Variants in CDKL5 observed in about 807,000 individuals in gnomAD.
CDKL5 encodes cyclin dependent kinase like 5, also known as cyclin-dependent kinase-like 5.
Under a neutral mutation model 61.7 loss-of-function variants are expected in CDKL5, and 8 were observed. The ratio of observed to expected loss-of-function variants is 0.13; its 90% CI spans 0.08 to 0.23. CDKL5 has a LOEUF of 0.23. CDKL5 is among the 10% of genes least tolerant of loss of function. The pLI, the probability that CDKL5 is intolerant of heterozygous loss-of-function variation, is 1.00. For synonymous variants in CDKL5, 275 were observed against 272.3 expected, an observed-to-expected ratio of 1.01 and a Z score of -0.10; for missense variants, 440 against 734.5, an observed-to-expected ratio of 0.60 and a Z score of 4.63.
chrX:18,608,669 T>G (rs188352748), intron 12 of CDKL5, 142 bp from the exon 13 acceptor site: 1 of 486,228 alleles, frequency 2.1e-6, no homozygotes, highest in East Asian at 3.7e-5. Flanking sequence ...TTATTCACTT[T>G]TATGGGACTA....
intron 6 of CDKL5, among the ~76,000 whole-genome samples, chrX:18,581,042 G>T (rs1397007823): frequency 9.0e-6 from 1 of 111,489 alleles, no homozygotes; most frequent in Non-Finnish European, 1.9e-5. Context: ...GGATATTAAT[G>T]AGGAGCCGAG....
intron 16 of CDKL5, among the ~76,000 whole-genome samples, chrX:18,622,957 G>A (rs1926934031): frequency 1.8e-5 from 2 of 111,924 alleles, no homozygotes; most frequent in East Asian, 2.8e-4. Flanking sequence ...ACCCTTAAAA[G>A]ATTACCTAAA....
intron 3 of CDKL5, among the ~76,000 whole-genome samples, chrX:18,514,030 T>G (rs1331990162): frequency 1.8e-5 from 2 of 111,610 alleles, no homozygotes; most frequent in Admixed American, 9.6e-5. Flanking sequence ...AAAGGTTGAC[T>G]GGGGGTGTAT....
intron 3 of CDKL5, among the ~76,000 whole-genome samples, chrX:18,517,158 G>T (rs748213042): frequency 8.9e-6 from 1 of 111,866 alleles, no homozygotes; most frequent in Non-Finnish European, 1.9e-5. Flanking sequence ...CAGAGTAAGG[G>T]AATGGTCATG....
intron 1 of CDKL5, among the ~76,000 whole-genome samples, chrX:18,494,864 CT>C (rs772443413): frequency 7.4e-4 from 83 of 112,161 alleles, no homozygotes; most frequent in Non-Finnish European, 1.1e-3. Context: ...TTACTCTCCA[CT>C]TTTGGGAGAA....
Position 18,647,336 on chromosome X carries a change from G to A in CDKL5, c.2797+1246G>A, listed in dbSNP as rs1470538111. On this transcript the variant is annotated intron_variant, in intron 20 of 21. Transcript: ENST00000379989. The stretch of plus-strand genomic sequence containing the variant: ...AGAGGCTTGTGATATGGGCATTCTG[G>A]GAAAGGAAAAAGAATTCACATTCAC... 1 of 1,209,947 alleles carries A rather than the reference G, an allele frequency of 8.3e-7. No homozygotes were observed. Among genetic ancestry groups the A allele is most frequent in the South Asian group, 1.8e-5 (1 of 56,892 alleles).
At chrX:18,449,946 C>T (rs1931971937) in intron 1 of CDKL5, among the ~76,000 whole-genome samples, 1 of 111,616 alleles carries the variant, frequency 9.0e-6, no homozygotes, top group Non-Finnish European at 1.9e-5. Context: ...CGGCGCATGC[C>T]ACCACGCGCA....
At position 18,613,268 on chromosome X, in the gene CDKL5, G is replaced by T; in HGVS notation, c.2269G>T (p.Asp757Tyr). Reference sequence around the variant, plus strand: ...CCACTCAAAAAGACAACCAGCATTCGATCCATGGTGAGCATTTTGGTTTGT... The same window carrying T: ...CCACTCAAAAAGACAACCAGCATTCTATCCATGGTGAGCATTTTGGTTTGT... ...TNHSKRQPAF[D>Y]PWKSPENISH... is the part of the protein sequence containing the mutation. Residue 757 changes from aspartate (D) to tyrosine (Y), a missense_variant, in exon 15 of 18, where the codon GAT becomes TAT. Transcript: ENST00000623535. 8.4e-7 allele frequency: 1 copy of T among 1,196,181 alleles called. No homozygotes were observed. The highest frequency in any genetic ancestry group is 1.8e-5 in the South Asian group (1 of 56,495).
intron 1 of CDKL5, among the ~76,000 whole-genome samples, chrX:18,448,918 C>T (rs1255394412): frequency 8.9e-6 from 1 of 112,118 alleles, no homozygotes; most frequent in Non-Finnish European, 1.9e-5. Context: ...TGCAGTGGCA[C>T]GATCTCAGCT....
rs1279667605 is a variant in CDKL5, at chrX:18,633,697, C to A, written c.*4940C>A. On this transcript the variant is annotated 3_prime_UTR_variant, in exon 18 of 18. Coordinates refer to ENST00000623535, the MANE Select transcript of CDKL5 (RefSeq NM_001323289.2). ...TCTGGGCCTGCTGCCCCCTTCGATT[C>A]TTTTTTTTTTTCTTTGTGAATTGAA... 5.1e-6 allele frequency: 2 copies of A among 393,717 alleles called. No individual in the cohort carries two copies. The highest frequency in any genetic ancestry group is 6.4e-6 in the Non-Finnish European group (2 of 314,246). 32.4% of individuals were successfully genotyped at this position (393,717 alleles called of 1,213,427 possible). A position where few individuals can be genotyped will look rare whatever the true frequency, so the allele number is the denominator to read the frequency against.
intron 4 of CDKL5, among the ~76,000 whole-genome samples, 153 bp downstream of exon 4, chrX:18,564,675 A>G (rs1924910197): frequency 9.0e-6 from 1 of 110,518 alleles, no homozygotes; most frequent in African/African-American, 3.3e-5. Flanking sequence ...GAAAGTGAAT[A>G]TAGCTTATTT....
intron 1 of CDKL5, among the ~76,000 whole-genome samples, chrX:18,451,020 A>G (rs1932001963): frequency 9.0e-6 from 1 of 110,894 alleles, no homozygotes; most frequent in African/African-American, 3.3e-5. Context: ...CATTTTATAG[A>G]TAGGGTCCCT....
rs756537286 is a variant in CDKL5 at position 18,598,586 on chromosome X, A to G, written c.950A>G (p.His317Arg). ...PSRSAKRKPYHVESSTLSNRN... is the reference protein window; with the variant it reads ...PSRSAKRKPYRVESSTLSNRN... The stretch of plus-strand genomic sequence containing the variant: ...AGGTCAGCAAAAAGAAAACCTTACC[A>G]TGTGGAAAGCAGCACATTGTCTAAT... Residue 317 changes from histidine to arginine, a missense_variant, in exon 11 of 18, where the codon CAT becomes CGT. Around this residue, in one of 2 missense-constraint regions of CDKL5, gnomAD observed 363 missense variants for 516.3 expected, o/e 0.70. Coordinates refer to ENST00000623535, the MANE Select transcript of CDKL5 (RefSeq NM_001323289.2). The G allele has an allele frequency of 1.1e-4, 139 of 1,208,979 alleles. No individual in the cohort carries two copies. Among genetic ancestry groups the G allele is most frequent in the Non-Finnish European group, 1.5e-4 (137 of 894,137 alleles).
chrX:18,501,120 C>T (rs1439126239), intron 1 of CDKL5, among the ~76,000 whole-genome samples: 4 of 111,199 alleles, frequency 3.6e-5, no homozygotes, highest in East Asian at 2.8e-4. Flanking sequence ...GGATTACAGA[C>T]GTGAGCCACT....
intron 3 of CDKL5, among the ~76,000 whole-genome samples, chrX:18,540,610 C>T (rs1923986120): frequency 9.0e-6 from 1 of 111,652 alleles, no homozygotes; most frequent in South Asian, 3.7e-4. Flanking sequence ...GGTATTTTTG[C>T]TTGATACAGG....
At chrX:18,550,700 A>C (rs914886125) in intron 3 of CDKL5, among the ~76,000 whole-genome samples, 1 of 112,660 alleles carries the variant, frequency 8.9e-6, no homozygotes, top group African/African-American at 3.2e-5. Flanking sequence ...TGGCATGCCT[A>C]ATGCCATCTT....
chrX:18,628,460 A>G lies in CDKL5; in HGVS notation c.2586A>G (p.Leu862=). Residue 862 remains leucine, a synonymous_variant, in exon 18 of 18, where the codon TTA becomes TTG. Coordinates refer to ENST00000623535, the MANE Select transcript of CDKL5 (RefSeq NM_001323289.2). ...CCTCAGATCCCCGCTTCCAGCCCTTAACAGCTCAACAAACCAAAAATTCCT... is the reference window on the plus strand; with the variant it reads ...CCTCAGATCCCCGCTTCCAGCCCTTGACAGCTCAACAAACCAAAAATTCCT... ...PASSDPRFQP[L]TAQQTKNSFS... 2.5e-6 allele frequency: 3 copies of G among 1,211,746 alleles called. No homozygotes were observed. Among genetic ancestry groups the G allele is most frequent in the Non-Finnish European group, 3.4e-6 (3 of 895,372 alleles).
intron 14 of CDKL5, among the ~76,000 whole-genome samples, chrX:18,612,134 A>G (rs957494666): frequency 2.7e-5 from 3 of 112,261 alleles, no homozygotes; most frequent in African/African-American, 9.7e-5. Flanking sequence ...TTTAGAATTT[A>G]GAGAAAAATA....
chrX:18,570,525 A>C (rs1925103318), intron 4 of CDKL5, among the ~76,000 whole-genome samples: 1 of 111,331 alleles, frequency 9.0e-6, no homozygotes, highest in Non-Finnish European at 1.9e-5. Flanking sequence ...ACCAGACTCA[A>C]ATATGGTACC....
Sources: gnomAD v4.1 joint callset for allele counts (sites outside exome capture counted in the v4.1 genomes callset) on GRCh38, gnomAD v4.1.1 for gene constraint, gnomAD v4.1.1 regional missense constraint, MANE v1.5 for transcripts, NCBI Gene and HGNC (gene_info 2026-07-23, HGNC 2026-07-21) for gene names.